The following DGKZ variants were observed in gnomAD, a reference collection of about 807,000 sequenced individuals.
DGKZ encodes DAG kinase zeta.
In DGKZ, 45 loss-of-function variants were observed where a neutral mutation model predicts 142.5. That is an observed-to-expected ratio of 0.32 (90% confidence interval 0.25 to 0.40). The LOEUF (loss-of-function observed/expected upper bound fraction) is 0.40, where lower values mean the gene tolerates loss of function less well. Ranked by LOEUF, DGKZ falls within the 10% of genes least tolerant of loss-of-function variation. The probability of loss-of-function intolerance (pLI) is 1.00; values close to 1 mark genes in which losing one functional copy is unlikely to be tolerated. For synonymous variants in DGKZ, 442 were observed against 527.0 expected (o/e 0.84, Z 2.21); for missense variants, 755 against 1,306.5 (o/e 0.58, Z 6.51).
At chr11:46,342,549 T>C (rs949713608), upstream of DGKZ, among the ~76,000 whole-genome samples, 7 of 152,214 alleles carry the variant, frequency 4.6e-5, no homozygotes, top group African/African-American at 1.2e-4. Flanking sequence ...CCTTCCAGAA[T>C]AGACCTTGGT....
exon 9 of DGKZ, chr11:46,371,730 G>A (rs747113591): frequency 6.2e-7 from 1 of 1,613,908 alleles, no homozygotes. Flanking sequence ...GCAAGAAGAA[G>A]AAGAGGGCAT....
chr11:46,369,820 A>C, intron 5 of DGKZ, 121 bp from the exon 6 acceptor site: 1 of 1,080,648 alleles, frequency 9.3e-7, no homozygotes, highest in South Asian at 1.4e-5. Flanking sequence ...CCCCTCCTCC[A>C]CTCATGCGCA....
chr11:46,367,630 A>G lies in DGKZ; in HGVS notation c.271-22A>G. ...AGGGCTGGGCGGCCAGCGTGTGCTG[A>G]GCAAGCCCATCCCGTGGCTAGGAGT... On this transcript the variant is annotated intron_variant, in intron 2 of 30. Transcript: ENST00000527911. This position sits in a 1 kb window ranked among gnomAD's most constrained non-coding sequence, Gnocchi z 4.1. 1 of 1,583,498 alleles carries G rather than the reference A, an allele frequency of 6.3e-7. No homozygotes were observed. The highest frequency in any genetic ancestry group is 8.6e-7 in the Non-Finnish European group (1 of 1,162,382).
intron 1 of DGKZ, among the ~76,000 whole-genome samples, chr11:46,359,923 C>T (rs111597736): frequency 0.022 from 3,383 of 152,116 alleles, 125 homozygotes; most frequent in African/African-American, 0.077. Context: ...CGGCCTGATA[C>T]GGTTTTAGAT....
At chr11:46,360,789 G>GA (rs879709020) in intron 1 of DGKZ, among the ~76,000 whole-genome samples, 42 of 143,754 alleles carry the variant, frequency 2.9e-4, no homozygotes, top group East Asian at 1.8e-3. Context: ...CCATCTCAAA[G>GA]AAAAAAAAAA....
chr11:46,368,676 G>A (rs1177759802), intron 4 of DGKZ: 1 of 193,304 alleles, frequency 5.2e-6, no homozygotes, highest in African/African-American at 2.4e-5. Flanking sequence ...GCTTTCCCCA[G>A]CCTCTGAATT....
chr11:46,352,173 T>G (rs1405105188), intron 1 of DGKZ, among the ~76,000 whole-genome samples: 1 of 152,098 alleles, frequency 6.6e-6, no homozygotes, highest in Non-Finnish European at 1.5e-5. Context: ...TAGCCCTGAG[T>G]CTTAGGCCGC....
chr11:46,378,423 C>T (rs199549907), intron 26 of DGKZ, 34 bp from the exon 27 acceptor site: 151 of 1,570,886 alleles, frequency 9.6e-5, no homozygotes, highest in Admixed American at 4.9e-4. Context: ...CCCAGGCCTC[C>T]GACTGCAGAG....
At chr11:46,356,083 T>C (rs1198402813) in intron 1 of DGKZ, among the ~76,000 whole-genome samples, 1 of 152,152 alleles carries the variant, frequency 6.6e-6, no homozygotes, top group Non-Finnish European at 1.5e-5. Flanking sequence ...GGGGAAATGC[T>C]TCTCCCAGCA....
At chr11:46,374,037 G>A (rs1481008805) in intron 14 of DGKZ, 120 bp from the exon 15 acceptor site, 13 of 1,073,268 alleles carry the variant, frequency 1.2e-5, no homozygotes, top group East Asian at 4.9e-5. Context: ...CCTAGCGGAC[G>A]CTGCTGACCA....
In DGKZ at chr11:46,379,203, C is replaced by G; in HGVS notation, c.2540C>G (p.Ala847Gly). ...CTGACCACCACCTCCCCTTCTCCAG[C>G]CCCCCCAGAGATCCTTGATGCGGTG... The change falls in exon 29 of 31, where the codon GCC becomes GGC. Residue 847 changes from alanine to glycine, a missense_variant and splice_region_variant. This residue lies in a region of DGKZ where 100 missense variants were observed against 87.7 expected (regional missense o/e 1.14). Coordinates refer to ENST00000527911, the Ensembl canonical transcript of DGKZ. The G allele has an allele frequency of 3.1e-6, 5 of 1,612,870 alleles. No individual in the cohort carries two copies. In the South Asian group the frequency reaches 5.5e-5, roughly 18 times the overall value.
At chr11:46,360,931 TGG>T (rs982817720) in intron 1 of DGKZ, among the ~76,000 whole-genome samples, 11 of 152,200 alleles carry the variant, frequency 7.2e-5, no homozygotes, top group Non-Finnish European at 1.2e-4. Flanking sequence ...TGGTGTCTTC[TGG>T]GCGTTCCTTA....
chr11:46,377,042 C>T (rs1944632088), intron 24 of DGKZ, 31 bp from the exon 25 acceptor site: 1 of 1,605,032 alleles, frequency 6.2e-7, no homozygotes, highest in East Asian at 2.2e-5. Context: ...CGTCAGGTGC[C>T]CTGACCTCCC....
intron 25 of DGKZ, chr11:46,377,863 G>A: frequency 2.7e-6 from 1 of 376,888 alleles, no homozygotes. Flanking sequence ...TCGAATCTCA[G>A]CTTGGCTGTT....
At chr11:46,355,549 G>A (rs1321466684) in intron 1 of DGKZ, among the ~76,000 whole-genome samples, 1 of 152,224 alleles carries the variant, frequency 6.6e-6, no homozygotes, top group Non-Finnish European at 1.5e-5. Context: ...CTGAGGCTGA[G>A]GCAGGTTAAA....
chr11:46,338,111 A>G (rs1022996783), intron 1 of DGKZ, among the ~76,000 whole-genome samples: 1 of 152,246 alleles, frequency 6.6e-6, no homozygotes, highest in Admixed American at 6.5e-5. Context: ...GGTTCTGCTA[A>G]AACTTTATTC....
chr11:46,347,518 C>CG lies in DGKZ; in HGVS notation c.-137dup. On this transcript the variant is annotated 5_prime_UTR_variant, in exon 1 of 31. Coordinates refer to ENST00000527911, the Ensembl canonical transcript of DGKZ. This position sits in a 1 kb window ranked among gnomAD's most constrained non-coding sequence, Gnocchi z 6.4. ...TTCCCGGGCACCTGGGCGTGGGGAG[C>CG]GGGGGCGCGCGGCGCGGGGCGGGCG... 2 of 982,248 alleles carry CG rather than the reference C, an allele frequency of 2.0e-6. No homozygotes were observed. The highest frequency in any genetic ancestry group is 2.4e-6 in the Non-Finnish European group (2 of 829,056). 60.8% of individuals were successfully genotyped at this position (982,248 alleles called of 1,614,324 possible). A position where few individuals can be genotyped will look rare whatever the true frequency, so the allele number is the denominator to read the frequency against.
At chr11:46,366,533 A>T in intron 1 of DGKZ, 1 of 1,597,342 alleles carries the variant, frequency 6.3e-7, no homozygotes. Context: ...TAAGGTGCTC[A>T]CTCCACAGCC....
Position 46,367,536 on chromosome 11 carries a change from A to C in DGKZ, c.271-116A>C. 3 of 949,690 alleles carry C rather than the reference A, an allele frequency of 3.2e-6. No individual in the cohort carries two copies. The highest frequency in any genetic ancestry group is 1.6e-5 in the South Asian group (1 of 62,690). 58.8% of individuals were successfully genotyped at this position (949,690 alleles called of 1,614,324 possible). On this transcript the variant is annotated intron_variant, in intron 2 of 30. Coordinates refer to ENST00000527911, the Ensembl canonical transcript of DGKZ. This position sits in a 1 kb window ranked among gnomAD's most constrained non-coding sequence, Gnocchi z 4.1. Reference sequence around the variant, plus strand: ...GACAGTGGGGCAGACGGAACAGAGCAGGGTCGATCGGGGCGCTGGAGTGGG... The same window carrying C: ...GACAGTGGGGCAGACGGAACAGAGCCGGGTCGATCGGGGCGCTGGAGTGGG...
Sources: allele counts gnomAD v4.1 joint callset (sites outside exome capture counted in the v4.1 genomes callset), GRCh38; gene constraint gnomAD v4.1.1; regional missense constraint gnomAD v4.1.1; non-coding constraint Gnocchi (gnomAD v3.1); transcripts MANE v1.5; gene names NCBI Gene and HGNC (gene_info 2026-07-23, HGNC 2026-07-21).